Variants in JADE1 observed in about 807,000 individuals in gnomAD.
JADE1 encodes the protein jade family PHD finger 1, also known as protein Jade-1.
JADE1 carries 14 observed loss-of-function variants against 81.8 expected under a neutral mutation model. The observed-to-expected ratio is 0.17, with a 90% CI of 0.11 to 0.27. The LOEUF (loss-of-function observed/expected upper bound fraction) is 0.27. JADE1 is among the 10% of genes least tolerant of loss of function. JADE1 has a pLI of 1.00. For missense variants in JADE1, 690 were observed against 1,047.9 expected (o/e 0.66, Z 4.71); for synonymous variants, 353 against 391.9 (o/e 0.90, Z 1.17).
At chr4:128,848,913 C>A (rs11098988) in intron 4 of JADE1, 67 bp from the exon 5 acceptor site, 1 of 1,525,166 alleles carries the variant, frequency 6.6e-7, no homozygotes, top group Non-Finnish European at 9.0e-7. Flanking sequence ...CATTTGGGGC[C>A]TTGTGGCACA....
Position 128,830,557 on chromosome 4 carries a change from T to G in JADE1, c.-26-1176T>G, listed in dbSNP as rs547391880. The stretch of plus-strand genomic sequence containing the variant: ...CCACATTTGCATTGTTAACACCACA[T>G]CATACATATTGTGATTCCCAATGAG... On this transcript the variant is annotated intron_variant, in intron 1 of 10. Transcript: ENST00000226319. Among the ~76,000 whole-genome samples, 17 of 152,236 alleles carry G rather than the reference T, an allele frequency of 1.1e-4. 1 individual carries two copies. The South Asian group carries it at 3.5e-3, about 32-fold the overall frequency.
Position 128,872,381 on chromosome 4 carries a change from G to A in JADE1, c.*119G>A. The stretch of plus-strand genomic sequence containing the variant: ...CTGAGCTACACAAACACATTTACTT[G>A]CAATTCAGATTAATTTTTTTCCAGA... On this transcript the variant is annotated 3_prime_UTR_variant, in exon 11 of 11. Transcript: ENST00000226319. 1.2e-6 allele frequency: 1 copy of A among 825,362 alleles called. No individual in the cohort carries two copies. Among genetic ancestry groups the A allele is most frequent in the Non-Finnish European group, 1.9e-6 (1 of 535,102 alleles). The allele number at this position is 825,362 out of a possible 1,614,324, so 51.1% of individuals were successfully genotyped here. A position where few individuals can be genotyped will look rare whatever the true frequency, so the allele number is the denominator to read the frequency against.
chr4:128,867,825 T>G, intron 9 of JADE1, 31 bp from the exon 10 acceptor site: 1 of 1,424,476 alleles, frequency 7.0e-7, no homozygotes, highest in Non-Finnish European at 9.9e-7. Flanking sequence ...ACTGTATTGC[T>G]TACTTAGAAT....
chr4:128,824,719 G>T (rs1173707265), intron 1 of JADE1, among the ~76,000 whole-genome samples: 3 of 152,132 alleles, frequency 2.0e-5, no homozygotes, highest in Non-Finnish European at 2.9e-5. Flanking sequence ...TATTGCATTG[G>T]GTGATATATA....
At chr4:128,851,169 GAT>G (rs1292214098) in intron 5 of JADE1, among the ~76,000 whole-genome samples, 1 of 152,228 alleles carries the variant, frequency 6.6e-6, no homozygotes, top group Non-Finnish European at 1.5e-5. Context: ...GACCTCAAAT[GAT>G]CTACCTGCAA....
intron 2 of JADE1, among the ~76,000 whole-genome samples, chr4:128,840,557 C>A (rs1427134404): frequency 1.3e-5 from 2 of 152,190 alleles, no homozygotes; most frequent in African/African-American, 4.8e-5. Context: ...TCTCTTCTTT[C>A]AGGCTGTGGA....
intron 1 of JADE1, among the ~76,000 whole-genome samples, chr4:128,826,378 AAC>A (rs1728068836): frequency 5.9e-5 from 1 of 17,016 alleles, no homozygotes; most frequent in African/African-American, 3.6e-4. Flanking sequence ...TTTTTTTTGA[AAC>A]AGAGTTTACT....
intron 2 of JADE1, among the ~76,000 whole-genome samples, chr4:128,837,326 G>A (rs1352340283): frequency 6.6e-6 from 1 of 152,214 alleles, no homozygotes; most frequent in African/African-American, 2.4e-5. Flanking sequence ...CAGCAGAAAT[G>A]GTGGGTGAGT....
rs1475514307 is a variant in JADE1 at position 128,872,460 on chromosome 4, G to GA, written c.*201dup. The GA allele has an allele frequency of 1.7e-6, 1 of 571,910 alleles. No homozygotes were observed. Among genetic ancestry groups the GA allele is most frequent in the Admixed American group, 3.1e-5 (1 of 31,984 alleles). The allele number at this position is 571,910 out of a possible 1,614,324, so 35.4% of individuals were successfully genotyped here. A position where few individuals can be genotyped will look rare whatever the true frequency, so the allele number is the denominator to read the frequency against. The stretch of plus-strand genomic sequence containing the variant: ...TTTGTGTTATTTGCAACTTGTTGAG[G>GA]AAACAGAAGAGTAGATTGTAACCAT... On this transcript the variant is annotated 3_prime_UTR_variant, in exon 11 of 11. Coordinates refer to ENST00000226319, the MANE Select transcript of JADE1 (RefSeq NM_199320.4).
At position 128,813,533 on chromosome 4, in the gene JADE1, C is replaced by T. The variant is rs184147090; in HGVS notation, c.-27+3656C>T. On this transcript the variant is annotated intron_variant, in intron 1 of 10. Transcript: ENST00000226319. ...TCCTGGGTTCAAGCGATTCTCCTGC[C>T]TCAGCCCCCTGAGTAGCTGGGACTA... 1.8e-3 allele frequency among the ~76,000 whole-genome samples: 275 copies of T among 151,980 alleles called. 1 individual carries two copies. The highest frequency in any genetic ancestry group is 4.4e-3 in the Admixed American group (67 of 15,242).
At chr4:128,819,288 G>GC (rs1192663483) in intron 1 of JADE1, among the ~76,000 whole-genome samples, 1,712 of 150,530 alleles carry the variant, frequency 0.011, 22 homozygotes, top group African/African-American at 0.038. Flanking sequence ...TTTTTTTTTT[G>GC]GGGGGCAGGC....
chr4:128,827,290 G>T (rs1219593836), intron 1 of JADE1, among the ~76,000 whole-genome samples: 3 of 152,180 alleles, frequency 2.0e-5, no homozygotes, highest in Admixed American at 6.5e-5. Context: ...AGGTAACAGT[G>T]CATTGAAAAG....
At chr4:128,845,810 C>G (rs1432646655) in intron 3 of JADE1, among the ~76,000 whole-genome samples, 2 of 151,998 alleles carry the variant, frequency 1.3e-5, no homozygotes, top group Non-Finnish European at 2.9e-5. Context: ...GTAATCTCAG[C>G]TACTCGGGGG....
chr4:128,866,962 C>A (rs1381376390), intron 9 of JADE1, among the ~76,000 whole-genome samples: 4 of 152,128 alleles, frequency 2.6e-5, no homozygotes, highest in African/African-American at 9.7e-5. Context: ...GAGACTAATT[C>A]TTTAAGTTTT....
intron 2 of JADE1, among the ~76,000 whole-genome samples, chr4:128,840,700 G>A (rs1579164742): frequency 6.6e-6 from 1 of 152,206 alleles, no homozygotes; most frequent in East Asian, 1.9e-4. Context: ...GTAATGACCA[G>A]ATTTAGAACT....
intron 1 of JADE1, among the ~76,000 whole-genome samples, chr4:128,813,875 T>G (rs1726738561): frequency 6.6e-6 from 1 of 152,108 alleles, no homozygotes; most frequent in South Asian, 2.1e-4. Flanking sequence ...TTAGGTTTCC[T>G]GCTATTTCCT....
At chr4:128,829,675 G>A (rs1728368867) in intron 1 of JADE1, among the ~76,000 whole-genome samples, 1 of 152,154 alleles carries the variant, frequency 6.6e-6, no homozygotes, top group Non-Finnish European at 1.5e-5. Context: ...TAAAGGGAAG[G>A]AGACTTCACC....
chr4:128,842,249 G>A (rs530207175), intron 2 of JADE1, among the ~76,000 whole-genome samples: 2 of 151,498 alleles, frequency 1.3e-5, no homozygotes, highest in Non-Finnish European at 2.9e-5. Flanking sequence ...TTAAAACAGT[G>A]TTTTAGAAAG....
chr4:128,865,979 G>A (rs1731750431), intron 9 of JADE1, among the ~76,000 whole-genome samples: 2 of 152,192 alleles, frequency 1.3e-5, no homozygotes, highest in Admixed American at 1.3e-4. Context: ...CAGATTCCTT[G>A]TTAATGTAAA....
Sources: gnomAD v4.1 joint callset for allele counts (sites outside exome capture counted in the v4.1 genomes callset) on GRCh38, gnomAD v4.1.1 for gene constraint, MANE v1.5 for transcripts, NCBI Gene and HGNC (gene_info 2026-07-23, HGNC 2026-07-21) for gene names.